The following FAIM2 variants were observed in gnomAD, a reference collection of about 807,000 sequenced individuals.
The protein encoded by FAIM2 is Fas apoptotic inhibitory molecule 2, also known as protein lifeguard 2.
A neutral mutation model predicts 47.4 loss-of-function variants in FAIM2; 27 were observed. The ratio of observed to expected loss-of-function variants is 0.57; its 90% CI spans 0.42 to 0.78. FAIM2 has a LOEUF of 0.78. Among genes scored for constraint, FAIM2 ranks in the 30% least tolerant of loss-of-function variants. FAIM2 has a pLI of 0.00. For synonymous variants in FAIM2, 156 were observed against 159.3 expected (o/e 0.98, Z 0.16); for missense variants, 311 against 389.4 (o/e 0.80, Z 1.69).
intron 5 of FAIM2, among the ~76,000 whole-genome samples, chr12:49,891,436 A>T (rs552509093): frequency 6.6e-6 from 1 of 152,200 alleles, no homozygotes; most frequent in Non-Finnish European, 1.5e-5. Context: ...AGCATTTTCC[A>T]TGTGCTAGGC....
intron 11 of FAIM2, among the ~76,000 whole-genome samples, chr12:49,881,149 C>T (rs1037556108): frequency 3.9e-5 from 6 of 152,170 alleles, no homozygotes. Flanking sequence ...TTGCAGCATC[C>T]AGTACTGACC....
At chr12:49,901,555 AAG>A in intron 1 of FAIM2, 1 of 432,740 alleles carries the variant, frequency 2.3e-6, no homozygotes, top group East Asian at 3.8e-5. Context: ...GAACAGAGGA[AAG>A]AGAAAATTCT....
intron 10 of FAIM2, among the ~76,000 whole-genome samples, chr12:49,888,439 G>A (rs1161964009): frequency 2.0e-5 from 3 of 152,106 alleles, no homozygotes; most frequent in Non-Finnish European, 4.4e-5. Flanking sequence ...TAAGCACTGG[G>A]CCCCCAGCAG....
At chr12:49,889,409 G>T in intron 9 of FAIM2, 72 bp downstream of exon 9, 2 of 1,413,174 alleles carry the variant, frequency 1.4e-6, no homozygotes, top group Non-Finnish European at 2.0e-6. Flanking sequence ...GAGCTCTGAG[G>T]CCCCCACCCC....
chr12:49,873,104 TGA>T (rs1029158572), intron 11 of FAIM2, among the ~76,000 whole-genome samples: 1 of 152,022 alleles, frequency 6.6e-6, no homozygotes, highest in Non-Finnish European at 1.5e-5. Flanking sequence ...TGGCCAGGGC[TGA>T]GAGGAGCCCT....
Position 49,897,104 on chromosome 12 carries a change from G to A in FAIM2, c.381-20C>T. The A allele has an allele frequency of 6.2e-7, 1 of 1,604,072 alleles. No homozygotes were observed. The highest frequency in any genetic ancestry group is 1.1e-5 in the South Asian group (1 of 90,864). On this transcript the variant is annotated intron_variant, in intron 4 of 11. Transcript: ENST00000320634. The stretch of plus-strand genomic sequence containing the variant: ...GGGTCACTGCAGAGAAGAGAGAGTG[G>A]GAGAGAGAGTCAGAATGTACCCTAG...
chr12:49,883,533 T>C (rs1043891491), intron 11 of FAIM2, among the ~76,000 whole-genome samples: 22 of 152,056 alleles, frequency 1.4e-4, no homozygotes, highest in Non-Finnish European at 2.9e-5. Flanking sequence ...ATGTGAAGTC[T>C]GAGGTGCCTA....
At chr12:49,879,753 TGTATGTGTGTGCAC>T (rs1162535448) in intron 11 of FAIM2, among the ~76,000 whole-genome samples, 1 of 150,974 alleles carries the variant, frequency 6.6e-6, no homozygotes, top group African/African-American at 2.5e-5. Context: ...TGTGTATGCA[TGTATGTGTGTGCAC>T]GTGTGTATAT....
At position 49,870,388 on chromosome 12, in the gene FAIM2, TG is replaced by T; in HGVS notation, c.*115del. 1 of 984,544 alleles carries T rather than the reference TG, an allele frequency of 1.0e-6. No homozygotes were observed. Among genetic ancestry groups the T allele is most frequent in the Non-Finnish European group, 1.6e-6 (1 of 644,080 alleles). 61.0% of individuals were successfully genotyped at this position (984,544 alleles called of 1,614,324 possible). On this transcript the variant is annotated 3_prime_UTR_variant, in exon 12 of 12. Coordinates refer to ENST00000320634, the MANE Select transcript of FAIM2 (RefSeq NM_012306.4). The stretch of plus-strand genomic sequence containing the variant: ...GGCTGGGCTGGGGTAGACAGTGACC[TG>T]GCCACAGGCTGGGTTGGCAGCTAGT...
At chr12:49,878,846 GTGTGTA>G (rs1420423655) in intron 11 of FAIM2, among the ~76,000 whole-genome samples, 10 of 59,866 alleles carry the variant, frequency 1.7e-4, no homozygotes, top group East Asian at 5.3e-4. Flanking sequence ...GTGTGTGCAT[GTGTGTA>G]TGTGTGTGTC....
chr12:49,897,492 A>G, intron 4 of FAIM2, 27 bp downstream of exon 4: 2 of 1,608,912 alleles, frequency 1.2e-6, no homozygotes, highest in Non-Finnish European at 8.5e-7. Flanking sequence ...CATCCCTGGA[A>G]GGTGCTGGTC....
chr12:49,873,768 C>G (rs1946718096), intron 11 of FAIM2, among the ~76,000 whole-genome samples: 1 of 152,182 alleles, frequency 6.6e-6, no homozygotes, highest in Non-Finnish European at 1.5e-5. Flanking sequence ...ATGTGGTGTT[C>G]TCTGGGATGG....
chr12:49,903,256 A>G (rs537921893), intron 1 of FAIM2, among the ~76,000 whole-genome samples: 72 of 152,250 alleles, frequency 4.7e-4, no homozygotes, highest in Admixed American at 2.4e-3. Flanking sequence ...CAGAGTTGTC[A>G]TAGCAAGCCC....
chr12:49,879,174 G>T (rs1450500579), intron 11 of FAIM2, among the ~76,000 whole-genome samples: 1 of 136,086 alleles, frequency 7.3e-6, no homozygotes, highest in Non-Finnish European at 1.6e-5. Flanking sequence ...GTGTGTGCAT[G>T]AGTGCATGTG....
Position 49,870,538 on chromosome 12 carries a change from A to T in FAIM2, c.917T>A (p.Phe306Tyr), listed in dbSNP as rs1391660428. ...IYLDIIYIFTFFLQLFGTNRE is the reference protein window; with the variant it reads ...IYLDIIYIFTYFLQLFGTNRE ...GTTAGTGCCAAAAAGCTGCAGGAAG[A>T]AGGTGAAGATATAGATGATGTCTAG... The change falls in exon 12 of 12, where the codon TTC (phenylalanine) becomes TAC (tyrosine). Residue 306 changes from phenylalanine to tyrosine, a missense_variant. Physicochemically the swap from Phe to Tyr is conservative, Grantham distance 22. Coordinates refer to ENST00000320634, the MANE Select transcript of FAIM2 (RefSeq NM_012306.4). 1 of 1,613,830 alleles carries T rather than the reference A, an allele frequency of 6.2e-7. No homozygotes were observed. The highest frequency in any genetic ancestry group is 1.3e-5 in the African/African-American group (1 of 74,880).
In FAIM2 at chr12:49,889,197, G is replaced by A; in HGVS notation, c.657C>T (p.Asp219=). The change falls in exon 10 of 12, where the codon GAC becomes GAT. Residue 219 remains aspartate, a synonymous_variant. Coordinates refer to ENST00000320634, the MANE Select transcript of FAIM2 (RefSeq NM_012306.4). ...AGAGCACGCCCTGGCAGGAGGTGAAGTCGAACTGTGGGGACAGGATGGGGT... is the reference window on the plus strand; with the variant it reads ...AGAGCACGCCCTGGCAGGAGGTGAAATCGAACTGTGGGGACAGGATGGGGT... The part of the protein sequence containing the change: ...VTVFSFQTKF[D]FTSCQGVLFV... 3.1e-6 allele frequency: 5 copies of A among 1,609,756 alleles called. No individual in the cohort carries two copies. The highest frequency in any genetic ancestry group is 1.7e-4 in the Middle Eastern group (1 of 6,056).
Position 49,885,562 on chromosome 12 carries a change from C to T in FAIM2, c.801+1824G>A, listed in dbSNP as rs552357738. On this transcript the variant is annotated intron_variant, in intron 11 of 11. Coordinates refer to ENST00000320634, the MANE Select transcript of FAIM2 (RefSeq NM_012306.4). ...AAGTTAGTGTCTTCTGGTGGCCAGG[C>T]TCCCAGTTTGCCCAGGATTTAGGGG... Among the ~76,000 whole-genome samples the T allele has an allele frequency of 1.2e-4, 18 of 151,646 alleles. No homozygotes were observed. In the East Asian group the frequency reaches 3.3e-3, roughly 28 times the overall value.
intron 3 of FAIM2, 110 bp from the exon 4 acceptor site, chr12:49,897,693 CT>C: frequency 1.3e-6 from 1 of 787,526 alleles, no homozygotes; most frequent in Non-Finnish European, 2.1e-6. Context: ...CTCCACCCTC[CT>C]TTTTGGGGGT....
At position 49,890,140 on chromosome 12, in the gene FAIM2, G is replaced by A. The variant is rs1205582378; in HGVS notation, c.540C>T (p.Ala180=). The change falls in exon 8 of 12, where the codon GCC becomes GCT. Residue 180 remains alanine (A), a synonymous_variant. Transcript: ENST00000320634. The part of the protein sequence containing the change: ...ILLTVFTLSM[A]YLTGMLSSYY... ...ACCTGGACAGCATCCCAGTGAGGTA[G>A]GCCATGGACAGGGTCTGAAAGGAGA... is the stretch of plus-strand genomic sequence containing the variant. 1 of 1,614,086 alleles carries A rather than the reference G, an allele frequency of 6.2e-7. No homozygotes were observed.
Sources: gnomAD v4.1 joint callset for allele counts (sites outside exome capture counted in the v4.1 genomes callset) on GRCh38, gnomAD v4.1.1 for gene constraint, MANE v1.5 for transcripts, NCBI Gene and HGNC (gene_info 2026-07-23, HGNC 2026-07-21) for gene names.